Variants in PCDH11Y observed in about 807,000 individuals in gnomAD.
PCDH11Y encodes the protein protocadherin-11 Y-linked.
For synonymous variants in PCDH11Y, 9 were observed against 83.6 expected (o/e 0.11, Z 4.87); for missense variants, 12 against 224.8 (o/e 0.05, Z 6.05).
intron 3 of PCDH11Y, among the ~76,000 whole-genome samples, chrY:5,519,623 T>C: frequency 3.2e-5 from 1 of 31,396 alleles, no homozygotes; most frequent in Admixed American, 3.0e-4. Flanking sequence ...TCTAATGACT[T>C]TGATGGACCA....
intron 2 of PCDH11Y, among the ~76,000 whole-genome samples, chrY:5,474,875 C>G: frequency 1.2e-4 from 4 of 32,455 alleles, no homozygotes; most frequent in Non-Finnish European, 3.1e-4. Flanking sequence ...CAGTGAATAC[C>G]TTTCCCCTCT....
intron 2 of PCDH11Y, among the ~76,000 whole-genome samples, chrY:5,313,979 A>G: frequency 6.2e-5 from 2 of 32,434 alleles, no homozygotes; most frequent in East Asian, 1.7e-3. Flanking sequence ...TATTGCTCAC[A>G]TAGTCATATA....
chrY:5,565,962 A>ATAATATAT, intron 3 of PCDH11Y, among the ~76,000 whole-genome samples: 1 of 20,683 alleles, frequency 4.8e-5, no homozygotes. Flanking sequence ...ATATATATAT[A>ATAATATAT]ATATATATAT....
intron 3 of PCDH11Y, among the ~76,000 whole-genome samples, chrY:5,519,795 T>A: frequency 3.6e-5 from 1 of 27,448 alleles, no homozygotes; most frequent in Non-Finnish European, 8.6e-5. Flanking sequence ...AATGTGCAAG[T>A]TTTATTATTA....
chrY:5,125,167 A>G, intron 2 of PCDH11Y, among the ~76,000 whole-genome samples: 2 of 33,257 alleles, frequency 6.0e-5, no homozygotes, highest in South Asian at 1.3e-3. Flanking sequence ...GCTATATGTC[A>G]CACAAATACT....
chrY:5,437,064 T>A, intron 2 of PCDH11Y, among the ~76,000 whole-genome samples: 2 of 33,067 alleles, frequency 6.0e-5, no homozygotes, highest in Non-Finnish European at 7.5e-5. Context: ...GATTGTCTAG[T>A]CATTGGAACC....
At chrY:5,130,829 A>G (rs1602873039) in intron 2 of PCDH11Y, among the ~76,000 whole-genome samples, 1 of 31,631 alleles carries the variant, frequency 3.2e-5, no homozygotes, top group African/African-American at 1.3e-4. Context: ...GTTGCAGTGA[A>G]CAAGATCGTG....
chrY:5,402,112 GC>G (rs2053234317), intron 2 of PCDH11Y, among the ~76,000 whole-genome samples: 1 of 32,841 alleles, frequency 3.0e-5, no homozygotes, highest in Non-Finnish European at 7.4e-5. Flanking sequence ...GCTCATGGGG[GC>G]ATATTTCTCT....
intron 3 of PCDH11Y, among the ~76,000 whole-genome samples, chrY:5,554,586 AGTGTTGCCT>A (rs2053421970): frequency 6.0e-5 from 2 of 33,116 alleles, no homozygotes; most frequent in Non-Finnish European, 1.5e-4. Flanking sequence ...TCCCATGCTG[AGTGTTGCCT>A]AGGGACTTGG....
chrY:5,492,657 T>C, intron 2 of PCDH11Y, among the ~76,000 whole-genome samples: 1 of 24,822 alleles, frequency 4.0e-5, no homozygotes, highest in African/African-American at 1.6e-4. Context: ...ATTAGTTGAT[T>C]ACAATTCCTC....
chrY:5,109,299 C>A (rs2052800674), downstream of PCDH11Y, among the ~76,000 whole-genome samples: 1 of 33,215 alleles, frequency 3.0e-5, no homozygotes, highest in Non-Finnish European at 7.4e-5. Context: ...TCTAGAGTAG[C>A]CATAGGTTTC....
chrY:5,133,833 T>C, intron 2 of PCDH11Y, among the ~76,000 whole-genome samples: 1 of 32,913 alleles, frequency 3.0e-5, no homozygotes, highest in Non-Finnish European at 7.5e-5. Flanking sequence ...TATATCTTTG[T>C]CTATTCTGAG....
chrY:5,631,605 T>TA (rs2053512316), intron 4 of PCDH11Y, among the ~76,000 whole-genome samples: 1 of 33,414 alleles, frequency 3.0e-5, no homozygotes, highest in African/African-American at 1.2e-4. Context: ...TTCATCATGT[T>TA]AAAATATTTT....
intron 2 of PCDH11Y, among the ~76,000 whole-genome samples, chrY:5,130,933 A>G: frequency 3.9e-4 from 12 of 30,527 alleles, no homozygotes; most frequent in Non-Finnish European, 9.4e-4. Context: ...CGTGAAGAAA[A>G]AGGAATTCTT....
At chrY:5,682,257 T>G (rs2053559332) in intron 4 of PCDH11Y, among the ~76,000 whole-genome samples, 1 of 11,393 alleles carries the variant, frequency 8.8e-5, no homozygotes, top group African/African-American at 3.5e-4. Flanking sequence ...TTTTTTTTTT[T>G]TTTTTTTTTT....
At chrY:5,412,932 G>A (rs372543923) in intron 2 of PCDH11Y, among the ~76,000 whole-genome samples, 307 of 32,736 alleles carry the variant, frequency 9.4e-3, no homozygotes, top group South Asian at 0.038. Context: ...GTATCAGGAT[G>A]ATATTGGCCT....
intron 1 of PCDH11Y, among the ~76,000 whole-genome samples, chrY:5,097,040 T>C (rs2124634981): frequency 3.9e-5 from 1 of 25,500 alleles, no homozygotes; most frequent in South Asian, 9.7e-4. Flanking sequence ...AATATTCCCA[T>C]ACTGTGACTT....
chrY:5,167,516 A>AC (rs2052880994), intron 2 of PCDH11Y, among the ~76,000 whole-genome samples: 1 of 5,112 alleles, frequency 2.0e-4, no homozygotes, highest in Non-Finnish European at 3.9e-4. Context: ...TATCTCTTGG[A>AC]TTGTGTGTGT....
intron 4 of PCDH11Y, among the ~76,000 whole-genome samples, chrY:5,718,871 G>A (rs2053592269): frequency 3.0e-5 from 1 of 33,114 alleles, no homozygotes; most frequent in African/African-American, 1.2e-4. Context: ...CTTGTTGAAT[G>A]GTGTTGACCA....
Sources: gnomAD v4.1 joint callset for allele counts (sites outside exome capture counted in the v4.1 genomes callset) on GRCh38, gnomAD v4.1.1 for gene constraint, MANE v1.5 for transcripts, NCBI Gene and HGNC (gene_info 2026-07-23, HGNC 2026-07-21) for gene names.